Variants in BRWD3 observed in about 807,000 individuals in gnomAD.
BRWD3 encodes bromodomain and WD repeat domain containing 3.
BRWD3 carries 10 observed loss-of-function variants against 149.7 expected under a neutral mutation model. That is an observed-to-expected ratio of 0.07 (90% confidence interval 0.04 to 0.11). The LOEUF is 0.11. BRWD3 is among the 10% of genes least tolerant of loss of function. BRWD3 has a pLI of 1.00. For missense variants in BRWD3, 940 were observed against 1,373.2 expected (o/e 0.68, Z 4.99); for synonymous variants, 504 against 456.7 (o/e 1.10, Z -1.32).
chrX:80,770,897 A>G (rs1314831924), intron 6 of BRWD3, among the ~76,000 whole-genome samples: 1 of 112,225 alleles, frequency 8.9e-6, no homozygotes, highest in Non-Finnish European at 1.9e-5. Flanking sequence ...AAGCAACTTC[A>G]GCAAAGTCTC....
intron 6 of BRWD3, among the ~76,000 whole-genome samples, chrX:80,763,667 C>T (rs1398416760): frequency 1.8e-5 from 2 of 111,708 alleles, no homozygotes; most frequent in Non-Finnish European, 3.8e-5. Flanking sequence ...CTTAAATATA[C>T]ATTTAACAGA....
intron 8 of BRWD3, among the ~76,000 whole-genome samples, chrX:80,738,147 C>A (rs1017756601): frequency 1.8e-5 from 2 of 112,441 alleles, no homozygotes; most frequent in African/African-American, 6.4e-5. Flanking sequence ...ACCTTTATCT[C>A]CATTGCATTT....
chrX:80,802,442 TAAAAAAA>T (rs760675783), intron 4 of BRWD3, among the ~76,000 whole-genome samples: 691 of 48,865 alleles, frequency 0.014, 12 homozygotes, highest in African/African-American at 0.055. Flanking sequence ...ACTCTCATCT[TAAAAAAA>T]AAAAAAAAAA....
chrX:80,764,019 C>T (rs1006026879), intron 6 of BRWD3, among the ~76,000 whole-genome samples: 2 of 111,847 alleles, frequency 1.8e-5, no homozygotes, highest in African/African-American at 6.5e-5. Flanking sequence ...GAGATAAACA[C>T]ACAAATCAAT....
intron 6 of BRWD3, among the ~76,000 whole-genome samples, chrX:80,759,471 C>A (rs1220453751): frequency 8.9e-6 from 1 of 111,902 alleles, no homozygotes; most frequent in African/African-American, 3.2e-5. Flanking sequence ...TACTAATCTA[C>A]CTTGCATTTT....
chrX:80,703,014 T>C (rs2072812266), intron 24 of BRWD3, among the ~76,000 whole-genome samples: 1 of 111,713 alleles, frequency 9.0e-6, no homozygotes, highest in Non-Finnish European at 1.9e-5. Context: ...ATGGCTACAC[T>C]CATCAATCAC....
At chrX:80,800,702 T>C (rs777518163) in intron 4 of BRWD3, among the ~76,000 whole-genome samples, 163 of 110,464 alleles carry the variant, frequency 1.5e-3, no homozygotes, top group African/African-American at 5.1e-3. Context: ...TCAAATGCTG[T>C]GTTTTAATGG....
chrX:80,709,683 G>T, intron 20 of BRWD3, 106 bp from the exon 21 acceptor site: 2 of 660,070 alleles, frequency 3.0e-6, no homozygotes, highest in Non-Finnish European at 2.3e-6. Flanking sequence ...AGTAGGAGAT[G>T]AGAATAAATT....
At chrX:80,719,238 T>C (rs1361178192) in intron 18 of BRWD3, among the ~76,000 whole-genome samples, 2 of 111,242 alleles carry the variant, frequency 1.8e-5, no homozygotes, top group African/African-American at 6.5e-5. Flanking sequence ...AATGTAAAGA[T>C]TACAGATAAA....
At chrX:80,721,929 C>G (rs2073156647) in intron 17 of BRWD3, among the ~76,000 whole-genome samples, 1 of 111,918 alleles carries the variant, frequency 8.9e-6, no homozygotes, top group East Asian at 2.8e-4. Flanking sequence ...TCACCGCAAC[C>G]TCTGCCTCCT....
chrX:80,730,986 T>A (rs1409262985), intron 12 of BRWD3, among the ~76,000 whole-genome samples: 1 of 112,018 alleles, frequency 8.9e-6, no homozygotes, highest in Admixed American at 9.5e-5. Flanking sequence ...TTCACCATTA[T>A]AAATAATGCT....
intron 6 of BRWD3, among the ~76,000 whole-genome samples, chrX:80,748,388 T>C (rs1430013307): frequency 8.9e-6 from 1 of 111,929 alleles, no homozygotes; most frequent in African/African-American, 3.2e-5. Flanking sequence ...GGTATCAGGG[T>C]AATGCTCACC....
intron 20 of BRWD3, among the ~76,000 whole-genome samples, chrX:80,712,466 G>C (rs1447231009): frequency 4.5e-5 from 5 of 110,788 alleles, no homozygotes; most frequent in African/African-American, 1.6e-4. Context: ...TGGTGCCCAG[G>C]CTGGAGTGCA....
intron 39 of BRWD3, 81 bp from the exon 40 acceptor site, chrX:80,681,580 T>G: frequency 1.3e-6 from 1 of 770,607 alleles, no homozygotes. Context: ...TGAAACCATA[T>G]CTCTGTTATT....
intron 6 of BRWD3, among the ~76,000 whole-genome samples, chrX:80,783,724 T>C (rs1445111591): frequency 9.0e-6 from 1 of 111,381 alleles, no homozygotes; most frequent in Non-Finnish European, 1.9e-5. Context: ...TTATACGCAA[T>C]GGAATACTAT....
Position 80,802,551 on chromosome X carries a change from T to G in BRWD3, c.180+5988A>C, listed in dbSNP as rs2074311643. 2.7e-5 allele frequency among the ~76,000 whole-genome samples: 3 copies of G among 109,808 alleles called. No homozygotes were observed. In the South Asian group the frequency reaches 1.2e-3, roughly 43 times the overall value. ...GGGGTCATAGTTCTCCAGATTTCCATGCTGGCTATTCGGTCTCTCTATCCT... is the reference window on the plus strand; with the variant it reads ...GGGGTCATAGTTCTCCAGATTTCCAGGCTGGCTATTCGGTCTCTCTATCCT... On this transcript the variant is annotated intron_variant, in intron 4 of 40. Transcript: ENST00000373275.
Position 80,695,529 on chromosome X carries a change from CAA to C in BRWD3, c.3151+377_3151+378del, listed in dbSNP as rs1210426670. Reference sequence around the variant, plus strand: ...AAGTAAAGAAAGAAGGGTAAAAGAGCAAAAGAGGGTGGGAAGGTGACAGGGAG... The same window carrying C: ...AAGTAAAGAAAGAAGGGTAAAAGAGCAAGAGGGTGGGAAGGTGACAGGGAG... On this transcript the variant is annotated intron_variant, in intron 27 of 40. Coordinates refer to ENST00000373275, the MANE Select transcript of BRWD3 (RefSeq NM_153252.5). Among the ~76,000 whole-genome samples the C allele has an allele frequency of 6.3e-5, 7 of 110,529 alleles. No homozygotes were observed. In the South Asian group the frequency reaches 2.7e-3, roughly 42 times the overall value.
intron 4 of BRWD3, among the ~76,000 whole-genome samples, chrX:80,805,310 T>G (rs1444878048): frequency 1.8e-5 from 2 of 111,568 alleles, no homozygotes; most frequent in Non-Finnish European, 1.9e-5. Flanking sequence ...CTTAATATTA[T>G]TCTGATAAAT....
intron 6 of BRWD3, among the ~76,000 whole-genome samples, chrX:80,783,948 G>C (rs1221344060): frequency 1.8e-5 from 2 of 111,394 alleles, no homozygotes; most frequent in Non-Finnish European, 1.9e-5. Context: ...GAGCGGGGAA[G>C]TGGGGATGGT....
Sources: allele counts gnomAD v4.1 joint callset (sites outside exome capture counted in the v4.1 genomes callset), GRCh38; gene constraint gnomAD v4.1.1; transcripts MANE v1.5; gene names NCBI Gene and HGNC (gene_info 2026-07-23, HGNC 2026-07-21).